Variants in CRYBG1 observed in about 807,000 individuals in gnomAD.
The protein encoded by CRYBG1 is beta/gamma crystallin domain-containing protein 1.
CRYBG1 carries 139 observed loss-of-function variants against 189.2 expected under a neutral mutation model. The ratio of observed to expected loss-of-function variants is 0.73; its 90% confidence interval spans 0.64 to 0.85. CRYBG1 has a LOEUF of 0.85. Among genes scored for constraint, CRYBG1 ranks in the 40% least tolerant of loss-of-function variants. The pLI, the probability that CRYBG1 is intolerant of heterozygous loss-of-function variation, is 0.00. For synonymous variants in CRYBG1, 1,023 were observed against 1,017.1 expected (o/e 1.01, Z -0.11); for missense variants, 2,611 against 2,675.8 (o/e 0.98, Z 0.53).
At chr6:106,537,510 C>T (rs1404599538) in intron 8 of CRYBG1, among the ~76,000 whole-genome samples, 1 of 152,126 alleles carries the variant, frequency 6.6e-6, no homozygotes, top group Non-Finnish European at 1.5e-5. Flanking sequence ...CTATTCTTAG[C>T]GTCTGTTTTC....
At chr6:106,424,161 A>T (rs12197928) in intron 1 of CRYBG1, among the ~76,000 whole-genome samples, 17,387 of 152,198 alleles carry the variant, frequency 0.11, 1,048 homozygotes, top group East Asian at 0.15. Context: ...ATACATAATA[A>T]TTGGTTTATA....
Position 106,555,876 on chromosome 6 carries a change from G to C in CRYBG1, c.5694G>C (p.Lys1898Asn), listed in dbSNP as rs779554485. Residue 1898 changes from lysine (K) to asparagine (N), a missense_variant, in exon 17 of 22, where the codon AAG becomes AAC. Physicochemically the swap from Lys to Asn is moderately conservative, Grantham distance 94. Coordinates refer to ENST00000633556, the MANE Select transcript of CRYBG1 (RefSeq NM_001371242.2). The part of the protein sequence containing the change: ...AMGCPPGATF[K>N]SLRFIDVEFS... Reference sequence around the variant, plus strand: ...GATGCCCGCCTGGAGCAACTTTCAAGTCTCTTCGTTTTATAGATGTTGTAA... The same window carrying C: ...GATGCCCGCCTGGAGCAACTTTCAACTCTCTTCGTTTTATAGATGTTGTAA... The C allele has an allele frequency of 1.9e-6, 3 of 1,614,174 alleles. No individual in the cohort carries two copies. Among genetic ancestry groups the C allele is most frequent in the Non-Finnish European group, 2.5e-6 (3 of 1,180,016 alleles).
At chr6:106,496,286 A>G (rs1772850156) in intron 2 of CRYBG1, among the ~76,000 whole-genome samples, 1 of 152,242 alleles carries the variant, frequency 6.6e-6, no homozygotes, top group Non-Finnish European at 1.5e-5. Context: ...TAGAGGCATA[A>G]GTATAAAGCC....
intron 13 of CRYBG1, among the ~76,000 whole-genome samples, chr6:106,546,736 A>G (rs1435283243): frequency 2.0e-5 from 3 of 152,222 alleles, no homozygotes; most frequent in African/African-American, 4.8e-5. Flanking sequence ...ATAAGGTACA[A>G]GTTATCTGAA....
chr6:106,466,320 A>AGAG (rs1772114279), intron 2 of CRYBG1, among the ~76,000 whole-genome samples: 1 of 152,248 alleles, frequency 6.6e-6, no homozygotes, highest in Admixed American at 6.5e-5. Context: ...ATAAATAAGG[A>AGAG]GAGGGATTCA....
chr6:106,493,939 A>G (rs1772783316), intron 2 of CRYBG1, among the ~76,000 whole-genome samples: 1 of 152,220 alleles, frequency 6.6e-6, no homozygotes, highest in Non-Finnish European at 1.5e-5. Context: ...CATCCTGCAC[A>G]TATACCCTGG....
At chr6:106,441,634 A>G (rs879828) in intron 1 of CRYBG1, among the ~76,000 whole-genome samples, 84,017 of 152,008 alleles carry the variant, frequency 0.55, 23,325 homozygotes, top group East Asian at 0.64. Flanking sequence ...ACATAAGGAT[A>G]TGTCTAGGAA....
At position 106,503,177 on chromosome 6, in the gene CRYBG1, A is replaced by G. The variant is rs554669022; in HGVS notation, c.313-8253A>G. ...CTAAGAGATGGAGAGATTAGGGGGG[A>G]AATCAGGGCCTCCCACTGGCTGAAC... is the stretch of plus-strand genomic sequence containing the variant. On this transcript the variant is annotated intron_variant, in intron 2 of 21. Coordinates refer to ENST00000633556, the MANE Select transcript of CRYBG1 (RefSeq NM_001371242.2). Among the ~76,000 whole-genome samples the G allele has an allele frequency of 1.4e-3, 220 of 152,212 alleles. 1 individual carries two copies. Among genetic ancestry groups the G allele is most frequent in the African/African-American group, 5.0e-3 (207 of 41,532 alleles).
intron 3 of CRYBG1, among the ~76,000 whole-genome samples, chr6:106,518,273 T>C (rs1284365400): frequency 6.6e-6 from 1 of 152,198 alleles, no homozygotes; most frequent in Non-Finnish European, 1.5e-5. Flanking sequence ...AAAGTTGCTA[T>C]AGTGAACACA....
At chr6:106,502,353 C>T (rs1247920414) in intron 2 of CRYBG1, among the ~76,000 whole-genome samples, 1 of 152,150 alleles carries the variant, frequency 6.6e-6, no homozygotes, top group Non-Finnish European at 1.5e-5. Flanking sequence ...TAAAAAGGAA[C>T]TGATTTGATG....
At chr6:106,433,577 T>A (rs1771380112) in intron 1 of CRYBG1, among the ~76,000 whole-genome samples, 1 of 151,784 alleles carries the variant, frequency 6.6e-6, no homozygotes, top group South Asian at 2.1e-4. Flanking sequence ...ATTGTTATAG[T>A]ATAGAGGAAA....
At chr6:106,410,701 G>GT (rs1411840414) in intron 1 of CRYBG1, among the ~76,000 whole-genome samples, 1 of 152,162 alleles carries the variant, frequency 6.6e-6, no homozygotes, top group East Asian at 1.9e-4. Context: ...ATGGGTTCAT[G>GT]TTTTTTGCAG....
chr6:106,381,554 A>G (rs1770288450), intron 1 of CRYBG1, among the ~76,000 whole-genome samples: 1 of 152,244 alleles, frequency 6.6e-6, no homozygotes, highest in African/African-American at 2.4e-5. Flanking sequence ...GATGTAATTT[A>G]GGAAATACCT....
intron 7 of CRYBG1, among the ~76,000 whole-genome samples, chr6:106,528,005 C>A (rs1461322031): frequency 1.3e-5 from 2 of 152,142 alleles, no homozygotes; most frequent in Non-Finnish European, 2.9e-5. Context: ...CAGAGTCTTT[C>A]TTTGTGGCTC....
At chr6:106,377,539 G>A (rs1403622738) in intron 1 of CRYBG1, among the ~76,000 whole-genome samples, 1 of 151,206 alleles carries the variant, frequency 6.6e-6, no homozygotes, top group Non-Finnish European at 1.5e-5. Flanking sequence ...TGATTACCAG[G>A]TTATCACTGA....
At chr6:106,496,161 C>T (rs950827093) in intron 2 of CRYBG1, among the ~76,000 whole-genome samples, 13 of 152,240 alleles carry the variant, frequency 8.5e-5, no homozygotes, top group Admixed American at 8.5e-4. Context: ...TACAACCCTG[C>T]TATTTAAGAA....
At chr6:106,368,512 C>T (rs1769948219) in intron 1 of CRYBG1, among the ~76,000 whole-genome samples, 2 of 152,126 alleles carry the variant, frequency 1.3e-5, no homozygotes, top group African/African-American at 4.8e-5. Flanking sequence ...TTGTGAGGAG[C>T]TTAGCAAGAA....
intron 2 of CRYBG1, among the ~76,000 whole-genome samples, chr6:106,505,753 GA>G (rs1311321293): frequency 1.3e-5 from 2 of 150,870 alleles, no homozygotes; most frequent in African/African-American, 4.9e-5. Context: ...AACTGCTCAG[GA>G]AAAAAAGTTG....
At chr6:106,385,007 A>T (rs1770357552) in intron 1 of CRYBG1, among the ~76,000 whole-genome samples, 1 of 152,132 alleles carries the variant, frequency 6.6e-6, no homozygotes, top group Non-Finnish European at 1.5e-5. Flanking sequence ...TGCCGACTTG[A>T]ACATAGTTGT....
Sources: allele counts gnomAD v4.1 joint callset (sites outside exome capture counted in the v4.1 genomes callset), GRCh38; gene constraint gnomAD v4.1.1; transcripts MANE v1.5; gene names NCBI Gene and HGNC (gene_info 2026-07-23, HGNC 2026-07-21).